The following TRPM2 variants were observed in gnomAD, a reference collection of about 807,000 sequenced individuals.
TRPM2 encodes transient receptor potential cation channel subfamily M member 2.
TRPM2 carries 161 observed loss-of-function variants against 174.0 expected under a neutral mutation model. The observed-to-expected ratio is 0.93, with a 90% CI of 0.81 to 1.05. TRPM2 has a LOEUF of 1.05. Ranked by LOEUF, TRPM2 falls within the 50% of genes least tolerant of loss-of-function variation. The pLI, the probability that TRPM2 is intolerant of heterozygous loss-of-function variation, is 0.00. For synonymous variants in TRPM2, 954 were observed against 861.3 expected (o/e 1.11, Z -1.88); for missense variants, 2,057 against 2,038.0 (o/e 1.01, Z -0.18).
chr21:44,383,997 G>C (rs972503548), intron 9 of TRPM2, among the ~76,000 whole-genome samples: 6 of 151,730 alleles, frequency 4.0e-5, no homozygotes, highest in Non-Finnish European at 8.8e-5. Flanking sequence ...GAAGGAAATA[G>C]TACAGATTAG....
rs2048397966 is a variant in TRPM2 at position 44,367,596 on chromosome 21, G to T, written c.604+662G>T. 6.6e-6 allele frequency among the ~76,000 whole-genome samples: 1 copy of T among 152,186 alleles called. No individual in the cohort carries two copies. Among genetic ancestry groups the T allele is most frequent in the Non-Finnish European group, 1.5e-5 (1 of 68,016 alleles). On this transcript the variant is annotated intron_variant, in intron 4 of 31. Coordinates refer to ENST00000397928, the MANE Select transcript of TRPM2 (RefSeq NM_003307.4). This position sits in a 1 kb window ranked among gnomAD's most constrained non-coding sequence, Gnocchi z 4.6. Reference sequence around the variant, plus strand: ...TAATTCCATGGGGAGGGGGCCCCAAGTCCTCAAGGCTCCCTGGGCCTCCCT... The same window carrying T: ...TAATTCCATGGGGAGGGGGCCCCAATTCCTCAAGGCTCCCTGGGCCTCCCT...
At chr21:44,395,171 G>A (rs2049302312) in intron 11 of TRPM2, among the ~76,000 whole-genome samples, 1 of 152,248 alleles carries the variant, frequency 6.6e-6, no homozygotes, top group Non-Finnish European at 1.5e-5. Flanking sequence ...GTCTACACAT[G>A]TTGGTAAAGG....
In TRPM2 at chr21:44,395,474, A is replaced by G. The variant is rs970690120; in HGVS notation, c.1855A>G (p.Met619Val). ...TTCCTCAGGCCATGTGACCTTCACC[A>G]TGGACCCCATCCGTGACCTTCTCAT... ...KRSSGHVTFT[M>V]DPIRDLLIWA... is the part of the protein sequence containing the mutation. The change falls in exon 12 of 32, where the codon ATG becomes GTG. Residue 619 changes from methionine to valine, a missense_variant. Met to Val is a conservative substitution (Grantham distance 21). Coordinates refer to ENST00000397928, the MANE Select transcript of TRPM2 (RefSeq NM_003307.4). 1 of 1,613,028 alleles carries G rather than the reference A, an allele frequency of 6.2e-7. No individual in the cohort carries two copies. The highest frequency in any genetic ancestry group is 8.5e-7 in the Non-Finnish European group (1 of 1,179,958).
intron 13 of TRPM2, 102 bp downstream of exon 13, chr21:44,397,978 G>A: frequency 7.3e-7 from 1 of 1,362,192 alleles, no homozygotes; most frequent in South Asian, 1.8e-5. Context: ...CCTCACCCTG[G>A]GGTCCTCGTC....
intron 27 of TRPM2, among the ~76,000 whole-genome samples, chr21:44,433,532 C>A (rs1277315642): frequency 6.6e-6 from 1 of 152,118 alleles, no homozygotes; most frequent in South Asian, 2.1e-4. Context: ...GCGGGGTGGA[C>A]GGGAGTGAGA....
chr21:44,356,283 A>G (rs2048061066), intron 2 of TRPM2, among the ~76,000 whole-genome samples: 1 of 150,820 alleles, frequency 6.6e-6, no homozygotes, highest in Non-Finnish European at 1.5e-5. Flanking sequence ...GGATGTAGAG[A>G]CAGTGATGAA....
At position 44,417,945 on chromosome 21, in the gene TRPM2, G is replaced by A; in HGVS notation, c.3165G>A (p.Val1055=). 1.2e-6 allele frequency: 2 copies of A among 1,612,416 alleles called. No homozygotes were observed. The highest frequency in any genetic ancestry group is 1.7e-6 in the Non-Finnish European group (2 of 1,179,866). The change falls in exon 21 of 32, where the codon GTG becomes GTA. Residue 1055 remains valine, a synonymous_variant. Transcript: ENST00000397928. ...IAMFNYTFQQ[V]QEHTDQIWKF... Reference sequence around the variant, plus strand: ...CTGACAGCTACACCTTCCAGCAGGTGCAGGAGCACACGGACCAGATTTGGA... The same window carrying A: ...CTGACAGCTACACCTTCCAGCAGGTACAGGAGCACACGGACCAGATTTGGA...
chr21:44,391,413 C>T lies in TRPM2; in HGVS notation c.1582C>T (p.Pro528Ser), dbSNP rs1198617003. The change falls in exon 11 of 32, where the codon CCC becomes TCC. Residue 528 changes from proline to serine, a missense_variant. Physicochemically the swap from Pro to Ser is moderately conservative, Grantham distance 74. Transcript: ENST00000397928. The surrounding 1 kb of genome is among the most constrained non-coding windows in gnomAD (Gnocchi z 5.0). ...TLLYLYENLD[P>S]SCLFHSKLQK... ...GCTCTACCTGTACGAGAACCTGGAC[C>T]CCTCCTGCCTGTTCCACAGCAAGCT... is the stretch of plus-strand genomic sequence containing the variant. The T allele has an allele frequency of 5.0e-6, 8 of 1,613,966 alleles. No homozygotes were observed. In the African/African-American group the frequency reaches 9.3e-5, roughly 19 times the overall value.
rs751112009 is a variant in TRPM2 at position 44,432,235 on chromosome 21, C to T, written c.3975-2896C>T. Among the ~76,000 whole-genome samples, 3 of 152,218 alleles carry T rather than the reference C, an allele frequency of 2.0e-5. No homozygotes were observed. The highest frequency in any genetic ancestry group is 4.4e-5 in the Non-Finnish European group (3 of 68,052). Reference sequence around the variant, plus strand: ...GGAGTCTGAAATCAAGGACCACACTCCCTCTGAGGGCTTGAGGGGAGACCT... The same window carrying T: ...GGAGTCTGAAATCAAGGACCACACTTCCTCTGAGGGCTTGAGGGGAGACCT... On this transcript the variant is annotated intron_variant, in intron 27 of 31. Coordinates refer to ENST00000397928, the MANE Select transcript of TRPM2 (RefSeq NM_003307.4). The surrounding 1 kb of genome is among the most constrained non-coding windows in gnomAD (Gnocchi z 4.9).
At chr21:44,408,686 C>G (rs2049989823) in intron 19 of TRPM2, among the ~76,000 whole-genome samples, 1 of 133,718 alleles carries the variant, frequency 7.5e-6, no homozygotes, top group South Asian at 2.4e-4. Context: ...CCGACAGGGT[C>G]TCGCTCTGTC....
chr21:44,400,209 C>T, intron 14 of TRPM2, 50 bp from the exon 15 acceptor site: 1 of 1,525,336 alleles, frequency 6.6e-7, no homozygotes, highest in Non-Finnish European at 9.0e-7. Flanking sequence ...CGGGCACCAT[C>T]TGGGGCACAG....
intron 19 of TRPM2, among the ~76,000 whole-genome samples, chr21:44,410,113 G>A (rs140059147): frequency 0.34 from 15,525 of 45,958 alleles, 2,430 homozygotes; most frequent in East Asian, 0.41. Context: ...CTTGGTGAGC[G>A]TAGCCTTGTA....
rs994169232 is a variant in TRPM2 at position 44,438,814 on chromosome 21, G to C, written c.4168-253G>C. ...TGAGCTCAGGGTGGGTACCCTGGGG[G>C]CTGTCCCTGCTCCTCAGAGGTTGTG... On this transcript the variant is annotated intron_variant, in intron 29 of 31. Transcript: ENST00000397928. This position sits in a 1 kb window ranked among gnomAD's most constrained non-coding sequence, Gnocchi z 5.9. Among the ~76,000 whole-genome samples the C allele has an allele frequency of 1.3e-5, 2 of 152,156 alleles. No individual in the cohort carries two copies. Among genetic ancestry groups the C allele is most frequent in the African/African-American group, 4.8e-5 (2 of 41,448 alleles).
intron 19 of TRPM2, among the ~76,000 whole-genome samples, chr21:44,408,530 G>T (rs775892715): frequency 6.6e-6 from 1 of 151,706 alleles, no homozygotes; most frequent in South Asian, 2.1e-4. Flanking sequence ...TGGGTGAGAA[G>T]TGGCTCTCCT....
At position 44,438,940 on chromosome 21, in the gene TRPM2, T is replaced by C. The variant is rs867134215; in HGVS notation, c.4168-127T>C. 2.3e-4 allele frequency: 154 copies of C among 672,354 alleles called. 2 individuals are homozygous for C. The South Asian group carries it at 2.6e-3, about 11-fold the overall frequency. 41.6% of individuals were successfully genotyped at this position (672,354 alleles called of 1,614,324 possible). ...TGTCACTGCAGCCTGAGATGCCGCCTGCCTGTGGCTCCCAGGGCTGGGCCG... is the reference window on the plus strand; with the variant it reads ...TGTCACTGCAGCCTGAGATGCCGCCCGCCTGTGGCTCCCAGGGCTGGGCCG... On this transcript the variant is annotated intron_variant, in intron 29 of 31. Transcript: ENST00000397928. This position sits in a 1 kb window ranked among gnomAD's most constrained non-coding sequence, Gnocchi z 5.9.
rs376623370 is a variant in TRPM2 at position 44,406,556 on chromosome 21, G to T, written c.2791-38G>T. 3.0e-5 allele frequency: 47 copies of T among 1,582,968 alleles called. No homozygotes were observed. In the East Asian group the frequency reaches 9.0e-4, roughly 30 times the overall value. Reference sequence around the variant, plus strand: ...CCTCTGGGCCCAGTGAGCATCGGGGGCCAGGAGAGTGTAGCCCACACACTC... The same window carrying T: ...CCTCTGGGCCCAGTGAGCATCGGGGTCCAGGAGAGTGTAGCCCACACACTC... On this transcript the variant is annotated intron_variant, in intron 18 of 31. Coordinates refer to ENST00000397928, the MANE Select transcript of TRPM2 (RefSeq NM_003307.4).
chr21:44,389,193 T>C (rs2049101704), intron 9 of TRPM2, among the ~76,000 whole-genome samples: 2 of 152,224 alleles, frequency 1.3e-5, no homozygotes, highest in East Asian at 1.9e-4. Context: ...CATTCTTTCA[T>C]GTCTTGTTTC....
In TRPM2 at chr21:44,425,707, G is replaced by A. The variant is rs759238887; in HGVS notation, c.3675G>A (p.Pro1225=). 23 of 1,564,122 alleles carry A rather than the reference G, an allele frequency of 1.5e-5. No homozygotes were observed. Among genetic ancestry groups the A allele is most frequent in the South Asian group, 4.6e-5 (4 of 86,180 alleles). The change falls in exon 25 of 32, where the codon CCG becomes CCA. Residue 1225 remains proline (P), a synonymous_variant. Transcript: ENST00000397928. ...CCGCGGAGGAGCCGGATGCTGAGCC[G>A]GGAGGCAGGAAGAAGACGGAGGAGC... The part of the protein sequence containing the change: ...QKAAEEPDAE[P]GGRKKTEEPG...
intron 5 of TRPM2, among the ~76,000 whole-genome samples, chr21:44,372,519 A>T (rs2048570737): frequency 6.6e-6 from 1 of 152,198 alleles, no homozygotes; most frequent in Admixed American, 6.5e-5. Context: ...AAACAAACAA[A>T]AATATCATCA....
Sources: gnomAD v4.1 joint callset for allele counts (sites outside exome capture counted in the v4.1 genomes callset) on GRCh38, gnomAD v4.1.1 for gene constraint, Gnocchi (gnomAD v3.1) non-coding constraint, MANE v1.5 for transcripts, NCBI Gene and HGNC (gene_info 2026-07-23, HGNC 2026-07-21) for gene names.